The following DCLK1 variants were observed in gnomAD, a reference collection of about 807,000 sequenced individuals.
DCLK1 encodes the protein serine/threonine-protein kinase DCLK1.
DCLK1 carries 16 observed loss-of-function variants against 86.2 expected under a neutral mutation model. The observed-to-expected ratio is 0.19, with a 90% CI of 0.13 to 0.28. The LOEUF (loss-of-function observed/expected upper bound fraction) is 0.28, where lower values mean the gene tolerates loss of function less well. DCLK1 is among the 10% of genes least tolerant of loss of function. The pLI, the probability that DCLK1 is intolerant of heterozygous loss-of-function variation, is 1.00. For synonymous variants in DCLK1, 369 were observed against 370.5 expected (o/e 1.00, Z 0.05); for missense variants, 590 against 940.2 (o/e 0.63, Z 4.87).
intron 3 of DCLK1, among the ~76,000 whole-genome samples, chr13:35,993,033 C>T (rs747597796): frequency 1.3e-5 from 2 of 152,142 alleles, no homozygotes; most frequent in East Asian, 3.9e-4. Context: ...CATCCTGGTC[C>T]TTTTGCTGTT....
chr13:36,108,926 T>C (rs1483118668), intron 3 of DCLK1, among the ~76,000 whole-genome samples: 1 of 152,152 alleles, frequency 6.6e-6, no homozygotes, highest in East Asian at 1.9e-4. Flanking sequence ...TGGCCAAGCG[T>C]TATTCCACAG....
chr13:36,125,532 G>A (rs1270771827), intron 2 of DCLK1, among the ~76,000 whole-genome samples: 2 of 152,184 alleles, frequency 1.3e-5, no homozygotes, highest in East Asian at 3.9e-4. Flanking sequence ...GAATGCTGTA[G>A]AATTAGGGAC....
At chr13:35,867,641 G>A (rs1036143716) in intron 5 of DCLK1, among the ~76,000 whole-genome samples, 16 of 152,152 alleles carry the variant, frequency 1.1e-4, no homozygotes, top group African/African-American at 3.1e-4. Context: ...TAATATATTC[G>A]CCTATCTTCT....
intron 3 of DCLK1, among the ~76,000 whole-genome samples, chr13:36,045,186 A>C (rs1269586214): frequency 6.7e-6 from 1 of 149,182 alleles, no homozygotes; most frequent in Non-Finnish European, 1.5e-5. Context: ...CCTGCCATTA[A>C]CATTTTACCA....
intron 3 of DCLK1, among the ~76,000 whole-genome samples, chr13:36,015,566 G>A (rs529413637): frequency 1.3e-5 from 2 of 152,240 alleles, no homozygotes; most frequent in East Asian, 3.9e-4. Flanking sequence ...CTTCTATGAT[G>A]CTGTGATGTC....
chr13:35,950,150 C>A (rs903496109), intron 3 of DCLK1, among the ~76,000 whole-genome samples: 1 of 152,192 alleles, frequency 6.6e-6, no homozygotes, highest in South Asian at 2.1e-4. Context: ...GTCAGTAGAT[C>A]ACATTCAACT....
intron 15 of DCLK1, among the ~76,000 whole-genome samples, chr13:35,797,686 A>G (rs1416035437): frequency 2.0e-5 from 3 of 151,958 alleles, no homozygotes; most frequent in Non-Finnish European, 4.4e-5. Context: ...CACACACCCC[A>G]TGACAATGAA....
Position 35,772,669 on chromosome 13 carries a change from G to GTT in DCLK1, c.*1865_*1866insAA, listed in dbSNP as rs2086354149. 7.1e-6 allele frequency: 1 copy of GTT among 141,626 alleles called. No individual in the cohort carries two copies. The highest frequency in any genetic ancestry group is 1.5e-5 in the Non-Finnish European group (1 of 65,988). The allele number at this position is 141,626 out of a possible 1,614,324, so 8.8% of individuals were successfully genotyped here. On this transcript the variant is annotated 3_prime_UTR_variant, in exon 17 of 17. Transcript: ENST00000360631. ...GTTATCACTTCCGGATGCTCTAAAA[G>GTT]GGGGGGAAAAAAACCTCAATAAACG...
intron 3 of DCLK1, among the ~76,000 whole-genome samples, chr13:36,045,352 A>G (rs1308917438): frequency 2.2e-4 from 26 of 117,874 alleles, no homozygotes; most frequent in African/African-American, 7.0e-4. Context: ...ATATATATAT[A>G]TATATATATA....
At chr13:36,129,624 C>A (rs1886298775) in intron 1 of DCLK1, among the ~76,000 whole-genome samples, 1 of 152,216 alleles carries the variant, frequency 6.6e-6, no homozygotes, top group South Asian at 2.1e-4. Flanking sequence ...TTCTGAAGAT[C>A]CACTGGCCTT....
At chr13:35,831,547 T>C (rs1868962002) in intron 8 of DCLK1, among the ~76,000 whole-genome samples, 1 of 152,104 alleles carries the variant, frequency 6.6e-6, no homozygotes, top group Non-Finnish European at 1.5e-5. Flanking sequence ...GCAGGGCTCT[T>C]TGGTGGATTC....
At chr13:35,825,129 G>A (rs114004252) in intron 10 of DCLK1, among the ~76,000 whole-genome samples, 68 of 152,280 alleles carry the variant, frequency 4.5e-4, no homozygotes, top group African/African-American at 1.6e-3. Flanking sequence ...ATCCACTGCC[G>A]TCCGGAACAT....
chr13:36,111,201 C>G (rs1458012272), intron 3 of DCLK1, among the ~76,000 whole-genome samples: 3 of 152,028 alleles, frequency 2.0e-5, no homozygotes, highest in African/African-American at 7.2e-5. Context: ...ATAGTCCACC[C>G]AAGACAATAA....
chr13:35,973,174 T>C (rs1180034074), intron 3 of DCLK1, among the ~76,000 whole-genome samples: 4 of 152,118 alleles, frequency 2.6e-5, no homozygotes, highest in Non-Finnish European at 5.9e-5. Context: ...CACACTGCGT[T>C]CTCCAGGTCA....
chr13:36,116,191 C>G (rs1164539253), intron 2 of DCLK1, among the ~76,000 whole-genome samples: 2 of 151,940 alleles, frequency 1.3e-5, no homozygotes, highest in African/African-American at 2.4e-5. Context: ...CTCAAGTGAT[C>G]CGCCCACCTC....
chr13:35,899,866 C>T (rs987874628), intron 4 of DCLK1, among the ~76,000 whole-genome samples: 2 of 152,112 alleles, frequency 1.3e-5, no homozygotes, highest in African/African-American at 4.8e-5. Context: ...ATATGGCTTG[C>T]TATTCTATAA....
At chr13:35,793,158 T>A (rs138037748) in intron 16 of DCLK1, among the ~76,000 whole-genome samples, 7 of 152,252 alleles carry the variant, frequency 4.6e-5, no homozygotes, top group Non-Finnish European at 1.0e-4. Flanking sequence ...CCTGGAGGTG[T>A]TGGATAATGA....
chr13:36,073,863 A>G (rs1884068151), intron 3 of DCLK1, among the ~76,000 whole-genome samples: 1 of 152,220 alleles, frequency 6.6e-6, no homozygotes, highest in Admixed American at 6.5e-5. Context: ...ACAGATCCGC[A>G]CCTGAATTAC....
At chr13:35,845,989 A>G in intron 6 of DCLK1, 1 of 985,414 alleles carries the variant, frequency 1.0e-6, no homozygotes. Context: ...CCAGTGTGAA[A>G]CACAAGGTAC....
Sources: allele counts gnomAD v4.1 joint callset (sites outside exome capture counted in the v4.1 genomes callset), GRCh38; gene constraint gnomAD v4.1.1; transcripts MANE v1.5; gene names NCBI Gene and HGNC (gene_info 2026-07-23, HGNC 2026-07-21).